The following DHX38 variants were observed in gnomAD, a reference collection of about 807,000 sequenced individuals.
DHX38 encodes pre-mRNA-splicing factor ATP-dependent RNA helicase PRP16.
In DHX38, 100 loss-of-function variants were observed where a neutral mutation model predicts 153.1. That is an observed-to-expected ratio of 0.65 (90% CI 0.56 to 0.77). DHX38 has a LOEUF of 0.77. Ranked by LOEUF, DHX38 falls within the 30% of genes least tolerant of loss-of-function variation. The probability of loss-of-function intolerance (pLI) is 0.00; values close to 1 mark genes in which losing one functional copy is unlikely to be tolerated. For missense variants in DHX38, 1,440 were observed against 1,654.0 expected (o/e 0.87, Z 2.24); for synonymous variants, 650 against 631.7 (o/e 1.03, Z -0.43).
intron 11 of DHX38, 92 bp downstream of exon 11, chr16:72,101,704 C>T (rs1285590827): frequency 2.0e-6 from 2 of 1,001,410 alleles, no homozygotes; most frequent in East Asian, 2.6e-5. Flanking sequence ...CTTTGTGGCT[C>T]CTGAGTGGGA....
intron 3 of DHX38, 92 bp downstream of exon 3, chr16:72,097,101 T>C: frequency 7.2e-7 from 1 of 1,394,968 alleles, no homozygotes; most frequent in South Asian, 1.4e-5. Context: ...CAACACCCAT[T>C]TGTTAGGGAG....
chr16:72,097,172 T>A, intron 3 of DHX38, 163 bp downstream of exon 3: 1 of 684,150 alleles, frequency 1.5e-6, no homozygotes, highest in Non-Finnish European at 2.3e-6. Flanking sequence ...GAATACTAGT[T>A]TAAGAAAAGA....
chr16:72,104,653 G>A lies in DHX38; in HGVS notation c.2151+27G>A, dbSNP rs771940617. On this transcript the variant is annotated intron_variant, in intron 15 of 26. Transcript: ENST00000268482. The surrounding 1 kb of genome is among the most constrained non-coding windows in gnomAD (Gnocchi z 4.5). ...TATTGAGGCCACCATGTTACGAACTGACCCTTCCATGCCACGCACTTCTCT... is the reference window on the plus strand; with the variant it reads ...TATTGAGGCCACCATGTTACGAACTAACCCTTCCATGCCACGCACTTCTCT... 3 of 1,613,512 alleles carry A rather than the reference G, an allele frequency of 1.9e-6. No homozygotes were observed. Among genetic ancestry groups the A allele is most frequent in the Non-Finnish European group, 2.5e-6 (3 of 1,179,844 alleles).
chr16:72,103,793 G>A lies in DHX38; in HGVS notation c.1824+5G>A, dbSNP rs2144154803. ...GGGGGAAACCTTGGCGAGGAGGTGA[G>A]TGGGCGTGGGGGCTGAGCCATGTAG... On this transcript the variant is annotated splice_donor_5th_base_variant and intron_variant, in intron 13 of 26. Coordinates refer to ENST00000268482, the MANE Select transcript of DHX38 (RefSeq NM_014003.4). 1 of 1,608,606 alleles carries A rather than the reference G, an allele frequency of 6.2e-7. No individual in the cohort carries two copies. Among genetic ancestry groups the A allele is most frequent in the Non-Finnish European group, 8.5e-7 (1 of 1,175,282 alleles).
Position 72,104,887 on chromosome 16 carries a change from T to G in DHX38, c.2152-140T>G. On this transcript the variant is annotated intron_variant, in intron 15 of 26. Transcript: ENST00000268482. The surrounding 1 kb of genome is among the most constrained non-coding windows in gnomAD (Gnocchi z 4.5). Reference sequence around the variant, plus strand: ...GTGCCCTCTTGTAGAGGCCTCGCAGTCAGGCCCATGTGGAGGTGTGGTGGC... The same window carrying G: ...GTGCCCTCTTGTAGAGGCCTCGCAGGCAGGCCCATGTGGAGGTGTGGTGGC... The G allele has an allele frequency of 1.1e-6, 1 of 886,256 alleles. No homozygotes were observed. Among genetic ancestry groups the G allele is most frequent in the Non-Finnish European group, 1.7e-6 (1 of 588,786 alleles). 54.9% of individuals were successfully genotyped at this position (886,256 alleles called of 1,614,324 possible). A position where few individuals can be genotyped will look rare whatever the true frequency, so the allele number is the denominator to read the frequency against.
rs2042276916 is a variant in DHX38, at chr16:72,112,880, T to C, written c.*383T>C. 2 of 697,056 alleles carry C rather than the reference T, an allele frequency of 2.9e-6. No homozygotes were observed. Among genetic ancestry groups the C allele is most frequent in the Admixed American group, 4.1e-5 (2 of 49,030 alleles). The allele number at this position is 697,056 out of a possible 1,614,324, so 43.2% of individuals were successfully genotyped here. On this transcript the variant is annotated 3_prime_UTR_variant, in exon 27 of 27. Coordinates refer to ENST00000268482, the MANE Select transcript of DHX38 (RefSeq NM_014003.4). ...ATTGTAATTTGGTTATAATTCAGGA[T>C]TTGGAAATAAATTTATTATTTGTAA...
rs374939260 is a variant in DHX38, at chr16:72,105,682, G to A, written c.2487+58G>A. On this transcript the variant is annotated intron_variant, in intron 18 of 26. Transcript: ENST00000268482. ...GTTCACCAGAAGCTAACTTAGCTGC[G>A]GGGTGGGAAGCCAGGGCCTCGCTCC... 5.4e-5 allele frequency: 84 copies of A among 1,568,922 alleles called. 2 individuals carry two copies. The highest frequency in any genetic ancestry group is 2.7e-4 in the Admixed American group (16 of 59,678).
intron 2 of DHX38, 40 bp from the exon 3 acceptor site, chr16:72,096,782 C>T: frequency 6.3e-7 from 1 of 1,579,636 alleles, no homozygotes. Flanking sequence ...GAGTTTTTCT[C>T]CTATGGAGGG....
At position 72,108,518 on chromosome 16, in the gene DHX38, C is replaced by A. The variant is rs749072478; in HGVS notation, c.3166C>A (p.Arg1056=). Residue 1056 remains arginine, a synonymous_variant, in exon 23 of 27, where the codon CGG becomes AGG. Transcript: ENST00000268482. ...ACTCAAGGACATCATGGTGCAGCAG[C>A]GGATGAGCCTGGCCTCGTGTGGCAC... ...AQLKDIMVQQ[R]MSLASCGTDW... The A allele has an allele frequency of 6.2e-7, 1 of 1,614,042 alleles. No homozygotes were observed. The highest frequency in any genetic ancestry group is 8.5e-7 in the Non-Finnish European group (1 of 1,180,032).
chr16:72,103,280 A>G, intron 12 of DHX38, 69 bp downstream of exon 12: 9 of 1,558,918 alleles, frequency 5.8e-6, no homozygotes, highest in Non-Finnish European at 6.9e-6. Context: ...ATGTTTACCC[A>G]GGAGCTCTTT....
intron 7 of DHX38, 33 bp downstream of exon 7, chr16:72,099,313 G>A (rs1567604734): frequency 6.4e-7 from 1 of 1,554,788 alleles, no homozygotes; most frequent in South Asian, 1.2e-5. Context: ...GGCTGATCGG[G>A]GCTGGTGGCC....
rs1377346197 is a variant in DHX38 at position 72,103,818 on chromosome 16, G to C, written c.1824+30G>C. The C allele has an allele frequency of 3.7e-6, 6 of 1,602,320 alleles. No individual in the cohort carries two copies. In the Admixed American group the frequency reaches 6.7e-5, roughly 18 times the overall value. ...GTGGGCGTGGGGGCTGAGCCATGTAGTTATTCCCTAGTAGCTTCCACCCAT... is the reference window on the plus strand; with the variant it reads ...GTGGGCGTGGGGGCTGAGCCATGTACTTATTCCCTAGTAGCTTCCACCCAT... On this transcript the variant is annotated intron_variant, in intron 13 of 26. Transcript: ENST00000268482.
intron 25 of DHX38, 55 bp from the exon 26 acceptor site, chr16:72,110,901 C>T: frequency 4.6e-6 from 7 of 1,521,026 alleles, no homozygotes; most frequent in South Asian, 2.5e-5. Context: ...GCCGACGAGG[C>T]CTCCTTCCTT....
In DHX38 at chr16:72,096,581, T is replaced by C. The variant is rs189957077; in HGVS notation, c.323+101T>C. On this transcript the variant is annotated intron_variant, in intron 2 of 26. Transcript: ENST00000268482. ...AGTTTTCCTGTTGGAGATTTAGAGC[T>C]TTATGATTTTATTATGATTCTGTAA... 6.8e-6 allele frequency: 10 copies of C among 1,462,364 alleles called. No homozygotes were observed. The East Asian group carries it at 2.4e-4, about 35-fold the overall frequency. The allele number at this position is 1,462,364 out of a possible 1,614,324, so 90.6% of individuals were successfully genotyped here. A position where few individuals can be genotyped will look rare whatever the true frequency, so the allele number is the denominator to read the frequency against.
At chr16:72,100,679 C>T in intron 9 of DHX38, 82 bp downstream of exon 9, 1 of 1,556,788 alleles carries the variant, frequency 6.4e-7, no homozygotes. Context: ...GCCTGTCATC[C>T]CGGCACTTTG....
intron 3 of DHX38, 183 bp from the exon 4 acceptor site, chr16:72,097,494 G>T: frequency 1.8e-6 from 1 of 556,630 alleles, no homozygotes; most frequent in South Asian, 2.7e-5. Context: ...AATTTTCTAG[G>T]CAGTAACTAT....
chr16:72,103,243 T>C, intron 12 of DHX38, 32 bp downstream of exon 12: 1 of 1,607,776 alleles, frequency 6.2e-7, no homozygotes, highest in Non-Finnish European at 8.5e-7. Flanking sequence ...GAATCTAGTG[T>C]CAAGTCAGGG....
Position 72,103,689 on chromosome 16 carries a change from G to A in DHX38, c.1725G>A (p.Thr575=). ...LTQYLHEDGY[T]DYGMIGCTQP... The stretch of plus-strand genomic sequence containing the variant: ...AGTACCTGCATGAAGATGGTTACAC[G>A]GACTATGGGATGATTGGGTGTACCC... The change falls in exon 13 of 27, where the codon ACG becomes ACA. Residue 575 remains threonine, a synonymous_variant. Transcript: ENST00000268482. 3.1e-6 allele frequency: 5 copies of A among 1,614,160 alleles called. No individual in the cohort carries two copies. The highest frequency in any genetic ancestry group is 1.7e-4 in the Middle Eastern group (1 of 6,058).
chr16:72,100,648 G>A (rs765911360), intron 9 of DHX38, 51 bp downstream of exon 9: 7 of 1,596,570 alleles, frequency 4.4e-6, no homozygotes, highest in Admixed American at 1.7e-5. Flanking sequence ...GACCTGATGT[G>A]GGCCAGGTGC....
Sources: allele counts gnomAD v4.1 joint callset, GRCh38; gene constraint gnomAD v4.1.1; non-coding constraint Gnocchi (gnomAD v3.1); transcripts MANE v1.5; gene names NCBI Gene and HGNC (gene_info 2026-07-23, HGNC 2026-07-21).